TMPRSS4: variants seen among roughly 807,000 people sequenced by gnomAD.
TMPRSS4 encodes transmembrane serine protease 4.
In TMPRSS4, 45 loss-of-function variants were observed where a neutral mutation model predicts 56.4. The observed-to-expected ratio is 0.80, with a 90% confidence interval of 0.63 to 1.02. TMPRSS4 has a LOEUF of 1.02. Among genes scored for constraint, TMPRSS4 ranks in the 50% least tolerant of loss-of-function variants. TMPRSS4 has a pLI of 0.00. For synonymous variants in TMPRSS4, 205 were observed against 211.0 expected, an observed-to-expected ratio of 0.97 and a Z score of 0.25; for missense variants, 546 against 556.7, an observed-to-expected ratio of 0.98 and a Z score of 0.19.
Position 118,118,106 on chromosome 11 carries a change from G to A in TMPRSS4, c.*193G>A, listed in dbSNP as rs1278368084. The stretch of plus-strand genomic sequence containing the variant: ...CGCAGCCCAGAGGCGCCCAGAGGAA[G>A]TCAGCAGCCCTAGCTCGGCCACACT... On this transcript the variant is annotated 3_prime_UTR_variant, in exon 13 of 13. Transcript: ENST00000437212. 1 of 1,438,886 alleles carries A rather than the reference G, an allele frequency of 6.9e-7. No homozygotes were observed. Among genetic ancestry groups the A allele is most frequent in the African/African-American group, 1.4e-5 (1 of 69,540 alleles). The allele number at this position is 1,438,886 out of a possible 1,614,324, so 89.1% of individuals were successfully genotyped here. A position where few individuals can be genotyped will look rare whatever the true frequency, so the allele number is the denominator to read the frequency against.
At chr11:118,102,146 G>T (rs2135400774) in intron 3 of TMPRSS4, among the ~76,000 whole-genome samples, 1 of 152,044 alleles carries the variant, frequency 6.6e-6, no homozygotes, top group South Asian at 2.1e-4. Context: ...ATTTCCTGAT[G>T]CTCTCCCTCC....
At chr11:118,078,566 G>A (rs1262462760) in intron 1 of TMPRSS4, among the ~76,000 whole-genome samples, 1 of 152,204 alleles carries the variant, frequency 6.6e-6, no homozygotes, top group Non-Finnish European at 1.5e-5. Flanking sequence ...CATCCAAGGA[G>A]GCGCCCCAAA....
In TMPRSS4 at chr11:118,118,808, G is replaced by T; in HGVS notation, c.*895G>T. On this transcript the variant is annotated 3_prime_UTR_variant, in exon 13 of 13. Coordinates refer to ENST00000437212, the MANE Select transcript of TMPRSS4 (RefSeq NM_019894.4). ...TCAGGGATCCACAAGTGGCTGGAAA[G>T]AAATGCTGGTCCTGTGTCCTAACTT... 2 of 985,466 alleles carry T rather than the reference G, an allele frequency of 2.0e-6. No homozygotes were observed. The highest frequency in any genetic ancestry group is 2.4e-6 in the Non-Finnish European group (2 of 829,952). 61.0% of individuals were successfully genotyped at this position (985,466 alleles called of 1,614,324 possible).
intron 1 of TMPRSS4, among the ~76,000 whole-genome samples, chr11:118,085,489 C>G (rs1945478626): frequency 6.6e-6 from 1 of 152,144 alleles, no homozygotes; most frequent in Non-Finnish European, 1.5e-5. Context: ...TTTTCCCTCC[C>G]TGCCATTTCC....
downstream of TMPRSS4, among the ~76,000 whole-genome samples, chr11:118,122,946 C>T (rs1310145859): frequency 6.6e-6 from 1 of 152,100 alleles, no homozygotes; most frequent in Non-Finnish European, 1.5e-5. Flanking sequence ...GCCCCTTCTG[C>T]CATGTGAGGA....
intron 1 of TMPRSS4, among the ~76,000 whole-genome samples, chr11:118,091,924 G>A (rs746963043): frequency 2.0e-5 from 3 of 152,250 alleles, no homozygotes; most frequent in East Asian, 1.9e-4. Context: ...GAGGAGAGAC[G>A]GCCGGGAATG....
At chr11:118,117,606 C>A in intron 12 of TMPRSS4, 152 bp downstream of exon 12, 1 of 1,472,524 alleles carries the variant, frequency 6.8e-7, no homozygotes. Context: ...TGAGATTGCA[C>A]TATTAAGGCT....
intron 2 of TMPRSS4, among the ~76,000 whole-genome samples, chr11:118,098,073 T>G (rs2135376970): frequency 6.6e-6 from 1 of 152,270 alleles, no homozygotes; most frequent in South Asian, 2.1e-4. Context: ...CTGGACCAGA[T>G]CCATCTTCCT....
intron 1 of TMPRSS4, among the ~76,000 whole-genome samples, chr11:118,090,024 T>C (rs1945834091): frequency 6.6e-6 from 1 of 152,168 alleles, no homozygotes; most frequent in African/African-American, 2.4e-5. Context: ...TTTGTATTTT[T>C]AGTAGAGACA....
In TMPRSS4 at chr11:118,107,566, G is replaced by C. The variant is rs1451514215; in HGVS notation, c.441-208G>C. The C allele has an allele frequency of 2.4e-5, 11 of 464,204 alleles. 1 individual carries two copies. Among genetic ancestry groups the C allele is most frequent in the Middle Eastern group, 5.5e-4 (1 of 1,812 alleles). 28.8% of individuals were successfully genotyped at this position (464,204 alleles called of 1,614,324 possible). On this transcript the variant is annotated intron_variant, in intron 5 of 12. Transcript: ENST00000437212. ...CAAGTTACATCAGCAATGCACTGAG[G>C]GTTGAGTCCTGGGATGCCAAGGGTC...
intron 1 of TMPRSS4, among the ~76,000 whole-genome samples, chr11:118,093,012 GCA>G (rs1180540660): frequency 6.6e-6 from 1 of 152,176 alleles, no homozygotes; most frequent in African/African-American, 2.4e-5. Flanking sequence ...TTTCCTGAAA[GCA>G]CACAGTTAAT....
Position 118,096,850 on chromosome 11 carries a change from A to AGAAGGAAG in TMPRSS4, c.43+1998_43+1999insGGAAGGAA, listed in dbSNP as rs1251560007. ...GAGAAAGAAAGAAGGAAAGAAGGAA[A>AGAAGGAAG]GAAAGAAAGAAAGAAAGAAAGAAAG... On this transcript the variant is annotated intron_variant, in intron 2 of 12. Transcript: ENST00000437212. 1.2e-4 allele frequency among the ~76,000 whole-genome samples: 2 copies of AGAAGGAAG among 17,110 alleles called. 1 individual carries two copies. The highest frequency in any genetic ancestry group is 5.8e-4 in the African/African-American group (2 of 3,474). The allele number at this position is 17,110 out of a possible 152,430, so 11.2% of individuals were successfully genotyped here.
chr11:118,113,124 TCTC>T (rs1947362087), intron 8 of TMPRSS4, 142 bp from the exon 9 acceptor site: 1 of 754,200 alleles, frequency 1.3e-6, no homozygotes, highest in Non-Finnish European at 2.0e-6. Flanking sequence ...GACTGCCCCT[TCTC>T]CACCATCCCT....
chr11:118,088,885 C>T (rs1945769767), intron 1 of TMPRSS4, among the ~76,000 whole-genome samples: 1 of 152,232 alleles, frequency 6.6e-6, no homozygotes, highest in Non-Finnish European at 1.5e-5. Context: ...TATCCGACCT[C>T]TGTTTTCTCA....
At chr11:118,087,195 C>T (rs1426529980) in intron 1 of TMPRSS4, among the ~76,000 whole-genome samples, 3 of 152,304 alleles carry the variant, frequency 2.0e-5, no homozygotes, top group African/African-American at 7.2e-5. Context: ...TTTTGTGTGC[C>T]CCTGCTTTTC....
chr11:118,113,261 A>T lies in TMPRSS4; in HGVS notation c.744-8A>T, dbSNP rs2067046553. On this transcript the variant is annotated splice_region_variant and splice_polypyrimidine_tract_variant and intron_variant, in intron 8 of 12. Transcript: ENST00000437212. ...ATCAGGCCTGAACCCAGCTGTCTCT[A>T]CCCCCAGGAAACATACCGATGTGTT... is the stretch of plus-strand genomic sequence containing the variant. The T allele has an allele frequency of 1.9e-6, 3 of 1,612,750 alleles. No individual in the cohort carries two copies. The highest frequency in any genetic ancestry group is 2.7e-5 in the African/African-American group (2 of 74,764).
chr11:118,112,467 A>G (rs991953041), intron 8 of TMPRSS4, among the ~76,000 whole-genome samples: 11 of 129,980 alleles, frequency 8.5e-5, no homozygotes, highest in African/African-American at 3.0e-4. Context: ...ATCTTGGCTC[A>G]CTGCAACCTC....
chr11:118,118,851 C>A lies in TMPRSS4; in HGVS notation c.*938C>A. ...CCTAACTTTTTCCGCCTGGAGAGCCCTCAGTGTGGCTTCTTACATTTAAAA... is the reference window on the plus strand; with the variant it reads ...CCTAACTTTTTCCGCCTGGAGAGCCATCAGTGTGGCTTCTTACATTTAAAA... On this transcript the variant is annotated 3_prime_UTR_variant, in exon 13 of 13. Coordinates refer to ENST00000437212, the MANE Select transcript of TMPRSS4 (RefSeq NM_019894.4). 7.1e-6 allele frequency: 7 copies of A among 985,410 alleles called. No individual in the cohort carries two copies. Among genetic ancestry groups the A allele is most frequent in the Non-Finnish European group, 8.4e-6 (7 of 829,940 alleles). 61.0% of individuals were successfully genotyped at this position (985,410 alleles called of 1,614,324 possible).
downstream of TMPRSS4, among the ~76,000 whole-genome samples, chr11:118,123,771 G>A (rs1231249894): frequency 6.6e-6 from 1 of 152,010 alleles, no homozygotes; most frequent in Non-Finnish European, 1.5e-5. Context: ...TGATCCGCCC[G>A]CCTCAGCCTC....
Sources: gnomAD v4.1 joint callset for allele counts (sites outside exome capture counted in the v4.1 genomes callset) on GRCh38, gnomAD v4.1.1 for gene constraint, MANE v1.5 for transcripts, NCBI Gene and HGNC (gene_info 2026-07-23, HGNC 2026-07-21) for gene names.